The following VSX2 variants were observed in gnomAD, a reference collection of about 807,000 sequenced individuals.
VSX2 encodes the protein ceh-10 homeo domain containing homolog.
Under a neutral mutation model 32.1 loss-of-function variants are expected in VSX2, and 28 were observed. The ratio of observed to expected loss-of-function variants is 0.87; its 90% CI spans 0.65 to 1.20. The LOEUF is 1.20. Ranked by LOEUF, VSX2 falls within the 50% of genes most tolerant of loss-of-function variation. The pLI is 0.00. For synonymous variants in VSX2, 243 were observed against 214.1 expected (o/e 1.14, Z -1.18); for missense variants, 506 against 488.7 (o/e 1.04, Z -0.33).
At chr14:74,246,387 G>C (rs1371989036) in intron 3 of VSX2, among the ~76,000 whole-genome samples, 1 of 152,194 alleles carries the variant, frequency 6.6e-6, no homozygotes, top group African/African-American at 2.4e-5. Flanking sequence ...TCTCTCACTG[G>C]AGGACCAGAG....
At chr14:74,249,651 G>A (rs1391085369) in intron 3 of VSX2, among the ~76,000 whole-genome samples, 1 of 152,126 alleles carries the variant, frequency 6.6e-6, no homozygotes, top group Non-Finnish European at 1.5e-5. Flanking sequence ...GAAACTGAGG[G>A]GCTGAGAGGT....
In VSX2 at chr14:74,259,748, T is replaced by C. The variant is rs759823047; in HGVS notation, c.726T>C (p.Asp242=). The change falls in exon 4 of 5, where the codon GAT becomes GAC. Residue 242 remains aspartate (D), a synonymous_variant. Transcript: ENST00000261980. ...LPESILKSAK[D]GIMDSCAPWL... ...AGTCCATCCTCAAGTCAGCCAAGGA[T>C]GGCATCATGGACTCCTGTGCCCCGT... The C allele has an allele frequency of 6.2e-7, 1 of 1,613,718 alleles. No individual in the cohort carries two copies. Among genetic ancestry groups the C allele is most frequent in the East Asian group, 2.2e-5 (1 of 44,872 alleles).
In VSX2 at chr14:74,239,693, C is replaced by G. The variant is rs2139628420; in HGVS notation, c.132C>G (p.Pro44=). 1 of 1,549,954 alleles carries G rather than the reference C, an allele frequency of 6.5e-7. No individual in the cohort carries two copies. The highest frequency in any genetic ancestry group is 8.7e-7 in the Non-Finnish European group (1 of 1,146,836). Residue 44 remains proline (P), a synonymous_variant, in exon 1 of 5, where the codon CCC becomes CCG. Transcript: ENST00000261980. ...IQEILGLNKE[P]PSSHPRAALD... is the part of the protein sequence containing the mutation. ...AGATCCTGGGCTTGAACAAGGAGCC[C>G]CCGAGCTCCCACCCGCGGGCAGCGC...
intron 3 of VSX2, among the ~76,000 whole-genome samples, chr14:74,248,704 CA>C (rs560624333): frequency 1.2e-4 from 17 of 145,574 alleles, no homozygotes; most frequent in East Asian, 4.0e-4. Flanking sequence ...AACAAACGAA[CA>C]AAAAAAAAAA....
chr14:74,262,716 A>G lies in VSX2; in HGVS notation c.*1797A>G, dbSNP rs1043987501. 7 of 152,362 alleles carry G rather than the reference A, an allele frequency of 4.6e-5. No individual in the cohort carries two copies. The highest frequency in any genetic ancestry group is 1.3e-4 in the Admixed American group (2 of 15,306). 9.4% of individuals were successfully genotyped at this position (152,362 alleles called of 1,614,324 possible). ...GCCATTTTCTGTAAAGATACAAGTAAGAATAAAATTGACTTAAAAATAGTA... is the reference window on the plus strand; with the variant it reads ...GCCATTTTCTGTAAAGATACAAGTAGGAATAAAATTGACTTAAAAATAGTA... On this transcript the variant is annotated 3_prime_UTR_variant, in exon 5 of 5. Coordinates refer to ENST00000261980, the MANE Select transcript of VSX2 (RefSeq NM_182894.3).
chr14:74,248,704 C>A (rs79637980), intron 3 of VSX2, among the ~76,000 whole-genome samples: 116 of 145,452 alleles, frequency 8.0e-4, no homozygotes, highest in Non-Finnish European at 8.1e-4. Flanking sequence ...AACAAACGAA[C>A]AAAAAAAAAA....
chr14:74,251,307 G>A (rs2079227650), intron 3 of VSX2, among the ~76,000 whole-genome samples: 2 of 152,060 alleles, frequency 1.3e-5, no homozygotes, highest in Non-Finnish European at 2.9e-5. Context: ...AAAATTAGCC[G>A]GGCATGATGG....
Position 74,260,768 on chromosome 14 carries a change from A to G in VSX2, c.935A>G (p.Lys312Arg). Residue 312 changes from lysine to arginine, a missense_variant, in exon 5 of 5, where the codon AAA becomes AGA. Lys to Arg is a conservative substitution (Grantham distance 26, BLOSUM62 2). Coordinates refer to ENST00000261980, the MANE Select transcript of VSX2 (RefSeq NM_182894.3). The stretch of plus-strand genomic sequence containing the variant: ...AACAGCATTGCGGTGCTCCGGGCCA[A>G]AGCTCAGGAGCACAGCACCAAAGTG... ...RENSIAVLRA[K>R]AQEHSTKVLG... 1 of 1,585,690 alleles carries G rather than the reference A, an allele frequency of 6.3e-7. No homozygotes were observed. Among genetic ancestry groups the G allele is most frequent in the Non-Finnish European group, 8.6e-7 (1 of 1,166,190 alleles).
At chr14:74,247,903 C>T (rs1204798619) in intron 3 of VSX2, among the ~76,000 whole-genome samples, 1 of 152,068 alleles carries the variant, frequency 6.6e-6, no homozygotes, top group Non-Finnish European at 1.5e-5. Context: ...AGTCCTCGCC[C>T]TCCCTCGACC....
At chr14:74,251,765 C>T (rs1482111084) in intron 3 of VSX2, among the ~76,000 whole-genome samples, 1 of 152,146 alleles carries the variant, frequency 6.6e-6, no homozygotes, top group East Asian at 1.9e-4. Context: ...GAGCCTTAGG[C>T]TGGGCTGCAC....
In VSX2 at chr14:74,241,264, C is replaced by T; in HGVS notation, c.453C>T (p.His151=). The change falls in exon 2 of 5, where the codon CAC becomes CAT. Residue 151 remains histidine (H), a splice_region_variant and synonymous_variant. Transcript: ENST00000261980. The part of the protein sequence containing the change: ...NQTKKRKKRR[H]RTIFTSYQLE... ...CCAAGAAACGGAAGAAGCGGCGACACAGGTGAGGCCCCCGCTTTCTGTTAC... is the reference window on the plus strand; with the variant it reads ...CCAAGAAACGGAAGAAGCGGCGACATAGGTGAGGCCCCCGCTTTCTGTTAC... 1 of 1,612,724 alleles carries T rather than the reference C, an allele frequency of 6.2e-7. No individual in the cohort carries two copies. The highest frequency in any genetic ancestry group is 2.2e-5 in the East Asian group (1 of 44,866).
chr14:74,244,945 AGTGTGTGTGTGT>A (rs59905689), intron 2 of VSX2, among the ~76,000 whole-genome samples: 15 of 60,126 alleles, frequency 2.5e-4, no homozygotes, highest in South Asian at 5.4e-4. Context: ...AGAGAGAGAA[AGTGTGTGTGTGT>A]GTGTGTGTGT....
intron 4 of VSX2, among the ~76,000 whole-genome samples, 153 bp downstream of exon 4, chr14:74,259,935 G>A (rs1242582331): frequency 6.6e-6 from 1 of 152,170 alleles, no homozygotes; most frequent in Non-Finnish European, 1.5e-5. Context: ...TCTATCCTGG[G>A]GGACTCAGAG....
rs981798617 is a variant in VSX2, at chr14:74,259,475, T to C, written c.580-127T>C. On this transcript the variant is annotated intron_variant, in intron 3 of 4. Coordinates refer to ENST00000261980, the MANE Select transcript of VSX2 (RefSeq NM_182894.3). Reference sequence around the variant, plus strand: ...GCCTGGAGGAACACAGAGGGCACCATGGAGTAGGCGAGCTTAGGTTAAGGA... The same window carrying C: ...GCCTGGAGGAACACAGAGGGCACCACGGAGTAGGCGAGCTTAGGTTAAGGA... 1.3e-5 allele frequency: 14 copies of C among 1,041,386 alleles called. No individual in the cohort carries two copies. In the African/African-American group the frequency reaches 1.8e-4, roughly 14 times the overall value. 64.5% of individuals were successfully genotyped at this position (1,041,386 alleles called of 1,614,324 possible).
chr14:74,250,544 G>C (rs1055727092), intron 3 of VSX2, among the ~76,000 whole-genome samples: 2 of 152,144 alleles, frequency 1.3e-5, no homozygotes, highest in Non-Finnish European at 2.9e-5. Flanking sequence ...ATTCTCTGCC[G>C]AGCACTGTGT....
At chr14:74,258,275 A>G (rs917984392) in intron 3 of VSX2, among the ~76,000 whole-genome samples, 1 of 152,156 alleles carries the variant, frequency 6.6e-6, no homozygotes, top group African/African-American at 2.4e-5. Context: ...CATCGATTCA[A>G]ACTGAAATTA....
intron 1 of VSX2, among the ~76,000 whole-genome samples, chr14:74,240,673 A>C (rs894995133): frequency 6.6e-6 from 1 of 152,168 alleles, no homozygotes; most frequent in Non-Finnish European, 1.5e-5. Context: ...AAGGCAACGA[A>C]AACCAGCGCG....
chr14:74,245,067 G>A, intron 2 of VSX2, 98 bp from the exon 3 acceptor site: 1 of 1,544,664 alleles, frequency 6.5e-7, no homozygotes, highest in South Asian at 1.1e-5. Flanking sequence ...CTGGGTTCGG[G>A]GCCTGCCCAG....
At chr14:74,248,310 G>A (rs1176632444) in intron 3 of VSX2, among the ~76,000 whole-genome samples, 3 of 135,006 alleles carry the variant, frequency 2.2e-5, no homozygotes, top group African/African-American at 8.1e-5. Context: ...AGGATTGCTT[G>A]AGCCCAGCAG....
Sources: gnomAD v4.1 joint callset for allele counts (sites outside exome capture counted in the v4.1 genomes callset) on GRCh38, gnomAD v4.1.1 for gene constraint, MANE v1.5 for transcripts, NCBI Gene and HGNC (gene_info 2026-07-23, HGNC 2026-07-21) for gene names.